EGFR: variants seen among roughly 807,000 people sequenced by gnomAD.
The protein encoded by EGFR is epidermal growth factor receptor.
In EGFR, 58 loss-of-function variants were observed where a neutral mutation model predicts 143.0. The ratio of observed to expected loss-of-function variants is 0.41; its 90% CI spans 0.33 to 0.50. The LOEUF (loss-of-function observed/expected upper bound fraction) is 0.50. Among genes scored for constraint, EGFR ranks in the 20% least tolerant of loss-of-function variants. The pLI, the probability that EGFR is intolerant of heterozygous loss-of-function variation, is 0.39. For synonymous variants in EGFR, 613 were observed against 594.4 expected (o/e 1.03, Z -0.45); for missense variants, 1,307 against 1,579.0 (o/e 0.83, Z 2.92).
chr7:55,161,059 C>T (rs1380039552), intron 12 of EGFR, among the ~76,000 whole-genome samples: 1 of 152,230 alleles, frequency 6.6e-6, no homozygotes, highest in East Asian at 1.9e-4. Flanking sequence ...CCAGGCTGCC[C>T]TGGGTACCAT....
intron 1 of EGFR, among the ~76,000 whole-genome samples, chr7:55,098,531 G>T (rs1791614723): frequency 6.6e-6 from 1 of 152,176 alleles, no homozygotes; most frequent in South Asian, 2.1e-4. Context: ...ATTATGTGCA[G>T]TAAAATCTCA....
intron 22 of EGFR, among the ~76,000 whole-genome samples, chr7:55,195,388 T>A (rs1477778306): frequency 6.6e-6 from 1 of 152,234 alleles, no homozygotes; most frequent in East Asian, 1.9e-4. Flanking sequence ...GTTCTAAAAT[T>A]ATCACTGCTT....
chr7:55,161,332 G>A (rs1017546687), intron 12 of EGFR, among the ~76,000 whole-genome samples, 167 bp from the exon 13 acceptor site: 22 of 152,328 alleles, frequency 1.4e-4, no homozygotes, highest in Middle Eastern at 3.4e-3. Flanking sequence ...AGTCACGGTC[G>A]GCCTCTGGGA....
chr7:55,052,530 C>A (rs1213715397), intron 1 of EGFR, among the ~76,000 whole-genome samples: 1 of 152,232 alleles, frequency 6.6e-6, no homozygotes, highest in Non-Finnish European at 1.5e-5. Flanking sequence ...AGCCCCTGCC[C>A]GTGCTGGCTG....
At chr7:55,063,424 A>G (rs1036161936) in intron 1 of EGFR, among the ~76,000 whole-genome samples, 8 of 152,224 alleles carry the variant, frequency 5.3e-5, no homozygotes, top group African/African-American at 1.9e-4. Flanking sequence ...CAGAGATAGA[A>G]TTATGGAGGG....
intron 4 of EGFR, among the ~76,000 whole-genome samples, chr7:55,149,082 A>G (rs1462324123): frequency 4.6e-5 from 7 of 152,072 alleles, no homozygotes; most frequent in Non-Finnish European, 1.0e-4. Flanking sequence ...TTTAATATAT[A>G]TGTAAGTGCC....
intron 16 of EGFR, among the ~76,000 whole-genome samples, chr7:55,171,698 A>T (rs753963398): frequency 3.9e-5 from 6 of 152,136 alleles, no homozygotes; most frequent in Non-Finnish European, 8.8e-5. Context: ...CTTCAACATC[A>T]GCTCTGGCCA....
intron 4 of EGFR, 116 bp downstream of exon 4, chr7:55,146,856 G>GT: frequency 7.0e-7 from 1 of 1,422,298 alleles, no homozygotes; most frequent in Admixed American, 1.9e-5. Flanking sequence ...GAAACAAAAA[G>GT]TAGTAAGCAA....
rs75735829 is a variant in EGFR at position 55,104,031 on chromosome 7, G to T, written c.89-38255G>T. On this transcript the variant is annotated intron_variant, in intron 1 of 27. Transcript: ENST00000275493. ...TTAAGAAACAGCAATGTCAATCGAGGCCCAACTCAAATCCAATTTATAGGA... is the reference window on the plus strand; with the variant it reads ...TTAAGAAACAGCAATGTCAATCGAGTCCCAACTCAAATCCAATTTATAGGA... Among the ~76,000 whole-genome samples, 1,161 of 152,276 alleles carry T rather than the reference G, an allele frequency of 7.6e-3. 17 individuals carry two copies. The highest frequency in any genetic ancestry group is 0.026 in the African/African-American group (1,067 of 41,550).
intron 20 of EGFR, among the ~76,000 whole-genome samples, chr7:55,186,036 C>T (rs1787121471): frequency 6.6e-6 from 1 of 152,182 alleles, no homozygotes; most frequent in Non-Finnish European, 1.5e-5. Flanking sequence ...CCGGGCTATC[C>T]CGTCCACACC....
intron 1 of EGFR, among the ~76,000 whole-genome samples, chr7:55,059,808 C>A (rs1276699753): frequency 6.6e-6 from 1 of 152,174 alleles, no homozygotes; most frequent in African/African-American, 2.4e-5. Flanking sequence ...ATCAATCAGT[C>A]TTGCAGGATT....
intron 1 of EGFR, among the ~76,000 whole-genome samples, chr7:55,106,148 T>C (rs1365112814): frequency 6.6e-6 from 1 of 152,206 alleles, no homozygotes; most frequent in Non-Finnish European, 1.5e-5. Context: ...TCACAGCCAC[T>C]GCTATTCCAA....
intron 6 of EGFR, among the ~76,000 whole-genome samples, chr7:55,153,567 G>C (rs1426976396): frequency 6.6e-6 from 1 of 152,186 alleles, no homozygotes; most frequent in African/African-American, 2.4e-5. Context: ...TCGCTGTATT[G>C]GGTCTGGCTC....
chr7:55,167,743 T>C (rs1034941359), intron 15 of EGFR, among the ~76,000 whole-genome samples: 1 of 152,126 alleles, frequency 6.6e-6, no homozygotes, highest in African/African-American at 2.4e-5. Flanking sequence ...GCAGTGACGG[T>C]GATTGAGACA....
chr7:55,080,152 C>A (rs1013696739), intron 1 of EGFR, among the ~76,000 whole-genome samples: 2 of 151,900 alleles, frequency 1.3e-5, no homozygotes, highest in African/African-American at 4.8e-5. Flanking sequence ...AATCTGTGGC[C>A]CATTTTGAGT....
chr7:55,202,454 T>G, intron 26 of EGFR, 63 bp from the exon 27 acceptor site: 1 of 1,408,620 alleles, frequency 7.1e-7, no homozygotes, highest in Non-Finnish European at 9.8e-7. Flanking sequence ...TCGGGTGATT[T>G]TTGCAAACAC....
At chr7:55,134,561 A>G (rs2128922139) in intron 1 of EGFR, among the ~76,000 whole-genome samples, 1 of 152,390 alleles carries the variant, frequency 6.6e-6, no homozygotes, top group South Asian at 2.1e-4. Context: ...ACTCAAAATG[A>G]AACTATTGTA....
intron 18 of EGFR, among the ~76,000 whole-genome samples, chr7:55,174,410 A>G (rs980405524): frequency 6.6e-6 from 1 of 152,226 alleles, no homozygotes; most frequent in African/African-American, 2.4e-5. Context: ...TTTGCATGAA[A>G]TCTGATTTCA....
intron 1 of EGFR, among the ~76,000 whole-genome samples, chr7:55,120,716 G>C (rs150331366): frequency 3.3e-5 from 5 of 152,186 alleles, no homozygotes; most frequent in African/African-American, 4.8e-5. Flanking sequence ...AGCTCTCCTG[G>C]GAACGTTGTT....
Sources: gnomAD v4.1 joint callset for allele counts (sites outside exome capture counted in the v4.1 genomes callset) on GRCh38, gnomAD v4.1.1 for gene constraint, MANE v1.5 for transcripts, NCBI Gene and HGNC (gene_info 2026-07-23, HGNC 2026-07-21) for gene names.